Variants in CCNL2 observed in about 807,000 individuals in gnomAD.
The protein encoded by CCNL2 is cyclin L2.
A neutral mutation model predicts 59.1 loss-of-function variants in CCNL2; 28 were observed. The observed-to-expected ratio is 0.47, with a 90% CI of 0.35 to 0.65. The LOEUF is 0.65. Ranked by LOEUF, CCNL2 falls within the 30% of genes least tolerant of loss-of-function variation. CCNL2 has a pLI of 0.00. For missense variants in CCNL2, 714 were observed against 717.4 expected, an observed-to-expected ratio of 1.00 and a Z score of 0.05; for synonymous variants, 342 against 288.6, an observed-to-expected ratio of 1.19 and a Z score of -1.88.
intron 8 of CCNL2, chr1:1,388,391 C>T (rs1423659175): frequency 1.3e-5 from 5 of 393,478 alleles, no homozygotes; most frequent in African/African-American, 4.2e-5. Flanking sequence ...CTTGGTGGCA[C>T]GCGCCTGTAG....
chr1:1,391,182 G>C (rs1470797643), intron 5 of CCNL2: 2 of 1,147,782 alleles, frequency 1.7e-6, no homozygotes, highest in African/African-American at 3.2e-5. Context: ...ACCTTGGCCT[G>C]CTCTCATGCA....
At position 1,387,925 on chromosome 1, in the gene CCNL2, C is replaced by T. The variant is rs369616636; in HGVS notation, c.1118+29G>A. The T allele has an allele frequency of 6.6e-5, 107 of 1,613,484 alleles. No individual in the cohort carries two copies. In the African/African-American group the frequency reaches 1.3e-3, roughly 20 times the overall value. On this transcript the variant is annotated intron_variant, in intron 9 of 10. Transcript: ENST00000400809. ...CAGAAGTCCCTCCAGCCAACCCTGA[C>T]AGCCACCTGGGCAGCCCTGGGGTCC...
At chr1:1,391,923 G>A (rs1644783283) in intron 5 of CCNL2, 1 of 214,286 alleles carries the variant, frequency 4.7e-6, no homozygotes, top group African/African-American at 2.4e-5. Context: ...CTTGGAGTGG[G>A]GCTGCACCCG....
At chr1:1,395,302 T>C in intron 4 of CCNL2, 92 bp downstream of exon 4, 1 of 1,460,178 alleles carries the variant, frequency 6.8e-7, no homozygotes, top group South Asian at 1.2e-5. Context: ...CTCAGTCCTC[T>C]TCAGAGCCTT....
chr1:1,390,326 C>A lies in CCNL2; in HGVS notation c.910G>T (p.Ala304Ser). Residue 304 changes from alanine to serine, a missense_variant, in exon 8 of 11, where the codon GCT becomes TCT. By Grantham distance (99) the Ala-to-Ser change is moderately conservative (BLOSUM62 1). Coordinates refer to ENST00000400809, the MANE Select transcript of CCNL2 (RefSeq NM_030937.6). Reference protein sequence around the residue: ...LEGEVEKRKHAIEEAKAQARG... With the variant: ...LEGEVEKRKHSIEEAKAQARG... The stretch of plus-strand genomic sequence containing the variant: ...GCTTGGGCCTTTGCCTCTTCGATAG[C>A]GTGCTTTCTTTTTTCCACTTCACCC... The A allele has an allele frequency of 6.2e-7, 1 of 1,613,984 alleles. No individual in the cohort carries two copies. Among genetic ancestry groups the A allele is most frequent in the Non-Finnish European group, 8.5e-7 (1 of 1,179,900 alleles).
chr1:1,397,040 C>T (rs1347358848), intron 3 of CCNL2, among the ~76,000 whole-genome samples: 1 of 152,156 alleles, frequency 6.6e-6, no homozygotes, highest in African/African-American at 2.4e-5. Flanking sequence ...AGCCACTGCA[C>T]CTGGCCAATT....
chr1:1,389,522 C>T (rs1372464663), intron 8 of CCNL2: 1 of 152,264 alleles, frequency 6.6e-6, no homozygotes, highest in Non-Finnish European at 1.5e-5. Flanking sequence ...ACCTGTCATA[C>T]TCCCTGCTAA....
At chr1:1,391,202 G>A in intron 5 of CCNL2, 3 of 1,119,266 alleles carry the variant, frequency 2.7e-6, no homozygotes, top group Non-Finnish European at 2.2e-6. Flanking sequence ...AAAGCACGAT[G>A]CCTCAGAAAG....
intron 5 of CCNL2, chr1:1,392,359 G>A: frequency 9.6e-7 from 1 of 1,036,850 alleles, no homozygotes; most frequent in Non-Finnish European, 1.2e-6. Context: ...ATTTAAAGAT[G>A]CACACCTTTT....
chr1:1,398,786 C>T (rs2100369742), intron 1 of CCNL2, 115 bp from the exon 2 acceptor site: 5 of 1,256,742 alleles, frequency 4.0e-6, no homozygotes, highest in Non-Finnish European at 5.7e-6. Context: ...AAACGCTTCC[C>T]ACGTCCACAA....
intron 4 of CCNL2, 165 bp downstream of exon 4, chr1:1,395,229 G>T (rs1231920161): frequency 1.6e-6 from 1 of 613,704 alleles, no homozygotes; most frequent in Non-Finnish European, 2.7e-6. Flanking sequence ...ACTAGAAGAC[G>T]AATACGTCAG....
chr1:1,396,374 C>A (rs551741261), intron 3 of CCNL2, among the ~76,000 whole-genome samples: 121 of 149,934 alleles, frequency 8.1e-4, no homozygotes, highest in Admixed American at 1.8e-3. Flanking sequence ...TCAAGCAATT[C>A]TCCTGCCTCA....
In CCNL2 at chr1:1,390,350, C is replaced by T; in HGVS notation, c.886G>A (p.Gly296Ser). 6.2e-7 allele frequency: 1 copy of T among 1,613,580 alleles called. No homozygotes were observed. Among genetic ancestry groups the T allele is most frequent in the Non-Finnish European group, 8.5e-7 (1 of 1,179,544 alleles). ...GCGTGCTTTCTTTTTTCCACTTCAC[C>T]CTCCAGGTGTGTGAGATCAACCTGC... Reference protein sequence around the residue: ...RKKVDLTHLEGEVEKRKHAIE... With the variant: ...RKKVDLTHLESEVEKRKHAIE... The change falls in exon 8 of 11, where the codon GGT becomes AGT. Residue 296 changes from glycine to serine, a missense_variant. By Grantham distance (56) the Gly-to-Ser change is moderately conservative. Coordinates refer to ENST00000400809, the MANE Select transcript of CCNL2 (RefSeq NM_030937.6).
chr1:1,398,903 G>A (rs1246264229), intron 1 of CCNL2, 116 bp downstream of exon 1: 3 of 1,438,606 alleles, frequency 2.1e-6, no homozygotes, highest in South Asian at 2.9e-5. Flanking sequence ...CTGGGGTCGG[G>A]GCAGGGGCTG....
Position 1,398,217 on chromosome 1 carries a change from G to C in CCNL2, c.473+16C>G, listed in dbSNP as rs190049110. Reference sequence around the variant, plus strand: ...ATAGGCATCTATGATAGACTAGACAGCTCTGACTGACTCACTTTTTGTCTC... The same window carrying C: ...ATAGGCATCTATGATAGACTAGACACCTCTGACTGACTCACTTTTTGTCTC... On this transcript the variant is annotated intron_variant, in intron 3 of 10. Coordinates refer to ENST00000400809, the MANE Select transcript of CCNL2 (RefSeq NM_030937.6). 7.1e-5 allele frequency: 114 copies of C among 1,612,654 alleles called. No individual in the cohort carries two copies. In the Admixed American group the frequency reaches 1.2e-3, roughly 17 times the overall value.
chr1:1,388,260 C>T (rs1002847875), intron 8 of CCNL2, 195 bp from the exon 9 acceptor site: 4 of 580,838 alleles, frequency 6.9e-6, no homozygotes, highest in Non-Finnish European at 1.2e-5. Flanking sequence ...CGGGGGCTCA[C>T]GCCTGTGAGC....
rs954857098 is a variant in CCNL2, at chr1:1,394,970, T to C, written c.594+424A>G. 6.6e-5 allele frequency among the ~76,000 whole-genome samples: 10 copies of C among 151,630 alleles called. 1 individual carries two copies. The highest frequency in any genetic ancestry group is 1.9e-4 in the African/African-American group (8 of 41,310). ...TACTCAGGAGGCTGAGGCAGGAGAA[T>C]GGCTTGAAGCCGGGAGGTGGAGGTT... On this transcript the variant is annotated intron_variant, in intron 4 of 10. Coordinates refer to ENST00000400809, the MANE Select transcript of CCNL2 (RefSeq NM_030937.6).
intron 6 of CCNL2, 32 bp downstream of exon 6, chr1:1,390,734 C>A (rs1644721029): frequency 6.3e-7 from 1 of 1,594,754 alleles, no homozygotes; most frequent in Non-Finnish European, 8.6e-7. Flanking sequence ...AAAAATCAGA[C>A]TAGAATCTCT....
At chr1:1,396,421 C>G (rs1167921245) in intron 3 of CCNL2, among the ~76,000 whole-genome samples, 1 of 151,470 alleles carries the variant, frequency 6.6e-6, no homozygotes, top group Non-Finnish European at 1.5e-5. Flanking sequence ...CATGCACCAC[C>G]ACGACCAGCT....
Sources: gnomAD v4.1 joint callset for allele counts (sites outside exome capture counted in the v4.1 genomes callset) on GRCh38, gnomAD v4.1.1 for gene constraint, MANE v1.5 for transcripts, NCBI Gene and HGNC (gene_info 2026-07-23, HGNC 2026-07-21) for gene names.